The following TBC1D8 variants were observed in gnomAD, a reference collection of about 807,000 sequenced individuals.
TBC1D8 encodes TBC1 domain family member 8.
TBC1D8 carries 65 observed loss-of-function variants against 118.8 expected under a neutral mutation model. The ratio of observed to expected loss-of-function variants is 0.55; its 90% CI spans 0.45 to 0.67. The LOEUF (loss-of-function observed/expected upper bound fraction) is 0.67, where lower values mean the gene tolerates loss of function less well. Ranked by LOEUF, TBC1D8 falls within the 30% of genes least tolerant of loss-of-function variation. The pLI is 0.00. For missense variants in TBC1D8, 1,376 were observed against 1,471.2 expected (o/e 0.94, Z 1.06); for synonymous variants, 566 against 595.8 (o/e 0.95, Z 0.73).
chr2:101,142,357 G>A lies in TBC1D8; in HGVS notation c.127+8770C>T, dbSNP rs181139657. Among the ~76,000 whole-genome samples, 43 of 152,178 alleles carry A rather than the reference G, an allele frequency of 2.8e-4. 1 individual carries two copies. The highest frequency in any genetic ancestry group is 4.1e-4 in the South Asian group (2 of 4,820). On this transcript the variant is annotated intron_variant, in intron 1 of 19. Transcript: ENST00000409318. ...TGACAGAGAAATAAATTTATGTGTC[G>A]GGGTGTTTGTTACTGCAGCATAACC...
In TBC1D8 at chr2:101,033,819, A is replaced by C. The variant is rs1573906188; in HGVS notation, c.1604-61T>G. ...TTACTAGGATGGTGTCATGATGAAG[A>C]AGATGCTGGTCCCATCAGGGGACCC... is the stretch of plus-strand genomic sequence containing the variant. On this transcript the variant is annotated intron_variant, in intron 9 of 19. Transcript: ENST00000409318. The C allele has an allele frequency of 3.0e-5, 47 of 1,553,876 alleles. 1 individual carries two copies. In the South Asian group the frequency reaches 5.5e-4, roughly 18 times the overall value.
At chr2:101,088,343 G>A (rs1267883100) in intron 2 of TBC1D8, among the ~76,000 whole-genome samples, 1 of 151,934 alleles carries the variant, frequency 6.6e-6, no homozygotes, top group African/African-American at 2.4e-5. Flanking sequence ...CGCCCAGGCT[G>A]GAGTGCAGTG....
chr2:101,095,262 T>TTATTATTAC (rs1676322838), intron 1 of TBC1D8, among the ~76,000 whole-genome samples: 1 of 149,870 alleles, frequency 6.7e-6, no homozygotes, highest in African/African-American at 2.4e-5. Flanking sequence ...ATTATTATTA[T>TTATTATTAC]TATTATACTT....
intron 1 of TBC1D8, among the ~76,000 whole-genome samples, chr2:101,141,690 A>G (rs1320750458): frequency 1.3e-5 from 2 of 152,150 alleles, no homozygotes; most frequent in Non-Finnish European, 2.9e-5. Context: ...ATCTGACTGC[A>G]TGAAAATTAA....
In TBC1D8 at chr2:101,011,041, AAAC is replaced by A. The variant is rs138955138; in HGVS notation, c.2918-18_2918-16del. 1.1e-3 allele frequency: 1,782 copies of A among 1,607,084 alleles called. 41 individuals carry two copies. In the East Asian group the frequency reaches 0.038, roughly 34 times the overall value. On this transcript the variant is annotated splice_polypyrimidine_tract_variant and intron_variant, in intron 18 of 19. Coordinates refer to ENST00000409318, the MANE Select transcript of TBC1D8 (RefSeq NM_001330348.2). ...AACTGCATCACCTTGAAACAAAGGA[AAAC>A]AATATGTGGTTTAATTTAAATAAAT...
intron 2 of TBC1D8, among the ~76,000 whole-genome samples, chr2:101,078,197 C>T (rs968379190): frequency 2.0e-5 from 3 of 152,194 alleles, no homozygotes; most frequent in Non-Finnish European, 2.9e-5. Context: ...TCCAGTCTTC[C>T]GTTCAGACAG....
intron 5 of TBC1D8, among the ~76,000 whole-genome samples, chr2:101,048,490 A>AC (rs1681849348): frequency 6.6e-6 from 1 of 152,160 alleles, no homozygotes; most frequent in African/African-American, 2.4e-5. Context: ...GTGGCACAAG[A>AC]CCATGTGAAA....
At chr2:101,034,527 C>A (rs528375791) in intron 9 of TBC1D8, among the ~76,000 whole-genome samples, 5 of 152,306 alleles carry the variant, frequency 3.3e-5, no homozygotes, top group Non-Finnish European at 5.9e-5. Flanking sequence ...TGCCAGCCAC[C>A]CACAGCCAGA....
intron 3 of TBC1D8, among the ~76,000 whole-genome samples, chr2:101,058,479 G>A (rs539570314): frequency 6.6e-6 from 1 of 152,140 alleles, no homozygotes; most frequent in Non-Finnish European, 1.5e-5. Flanking sequence ...TTTAATGAGA[G>A]AGTTAAATTT....
intron 1 of TBC1D8, among the ~76,000 whole-genome samples, chr2:101,142,675 AATAAAAGT>A (rs1187813955): frequency 6.6e-6 from 1 of 152,244 alleles, no homozygotes; most frequent in East Asian, 1.9e-4. Flanking sequence ...ATAAAGCATG[AATAAAAGT>A]ATATTTTGTA....
intron 1 of TBC1D8, among the ~76,000 whole-genome samples, chr2:101,132,276 T>C (rs938983821): frequency 6.6e-6 from 1 of 152,120 alleles, no homozygotes; most frequent in African/African-American, 2.4e-5. Context: ...TCTAAATCAT[T>C]TGAGGGGAAG....
chr2:101,046,342 G>A (rs1383227970), intron 5 of TBC1D8, among the ~76,000 whole-genome samples: 1 of 152,190 alleles, frequency 6.6e-6, no homozygotes, highest in African/African-American at 2.4e-5. Context: ...CCAGGACCCT[G>A]ACAACACAGG....
intron 17 of TBC1D8, among the ~76,000 whole-genome samples, chr2:101,016,161 C>T (rs752648037): frequency 1.1e-4 from 17 of 152,194 alleles, no homozygotes; most frequent in South Asian, 4.1e-4. Context: ...AGAAAATTTT[C>T]GCAACCTACT....
intron 5 of TBC1D8, among the ~76,000 whole-genome samples, chr2:101,045,195 GTTACAC>G (rs1681621784): frequency 6.6e-6 from 1 of 152,142 alleles, no homozygotes; most frequent in Non-Finnish European, 1.5e-5. Flanking sequence ...TTCTAGAAAA[GTTACAC>G]TTACACATTC....
At chr2:101,033,197 ACCTGCGACTC>A (rs1198829839) in intron 10 of TBC1D8, among the ~76,000 whole-genome samples, 2 of 151,754 alleles carry the variant, frequency 1.3e-5, no homozygotes, top group Non-Finnish European at 2.9e-5. Context: ...GCTCACCGCA[ACCTGCGACTC>A]CCTGGTTCAA....
chr2:101,029,670 CGA>C lies in TBC1D8; in HGVS notation c.2041_2042del (p.Ser681ValfsTer25). ...DLSALASVSL[S>X]WFLTLFLSIM... is the part of the protein sequence containing the mutation. ...TGCTGAGGAACAGGGTCAGGAACCACGAGAGAGAGACGGACGCCAGGGCTGAG... is the reference window on the plus strand; with the variant it reads ...TGCTGAGGAACAGGGTCAGGAACCACGAGAGAGACGGACGCCAGGGCTGAG... On this transcript the variant is annotated frameshift_variant, in exon 12 of 20. Coordinates refer to ENST00000409318, the MANE Select transcript of TBC1D8 (RefSeq NM_001330348.2). LOFTEE classifies it high-confidence loss of function. 1.9e-6 allele frequency: 3 copies of C among 1,613,984 alleles called. No individual in the cohort carries two copies. The highest frequency in any genetic ancestry group is 2.2e-5 in the East Asian group (1 of 44,886).
intron 1 of TBC1D8, among the ~76,000 whole-genome samples, chr2:101,117,723 G>A (rs564609525): frequency 5.9e-5 from 9 of 151,678 alleles, no homozygotes; most frequent in East Asian, 3.9e-4. Context: ...ACAGGCGCCC[G>A]CCACCATGCC....
intron 16 of TBC1D8, 29 bp downstream of exon 16, chr2:101,022,252 C>T (rs1451629754): frequency 6.2e-7 from 1 of 1,613,052 alleles, no homozygotes; most frequent in African/African-American, 1.3e-5. Flanking sequence ...CCCCAAAGCA[C>T]ATCACTGCGA....
At chr2:101,102,063 A>G (rs1240897494) in intron 1 of TBC1D8, among the ~76,000 whole-genome samples, 2 of 134,620 alleles carry the variant, frequency 1.5e-5, no homozygotes, top group South Asian at 2.9e-4. Context: ...GAGGGGAGGG[A>G]AGGGGAGGGG....
Sources: gnomAD v4.1 joint callset for allele counts (sites outside exome capture counted in the v4.1 genomes callset) on GRCh38, gnomAD v4.1.1 for gene constraint, MANE v1.5 for transcripts, NCBI Gene and HGNC (gene_info 2026-07-23, HGNC 2026-07-21) for gene names.